The following CNTNAP2 variants were observed in gnomAD, a reference collection of about 807,000 sequenced individuals.
CNTNAP2 encodes the protein contactin associated protein 2, also known as contactin-associated protein-like 2.
CNTNAP2 carries 98 observed loss-of-function variants against 155.2 expected under a neutral mutation model. The ratio of observed to expected loss-of-function variants is 0.63; its 90% CI spans 0.54 to 0.75. CNTNAP2 has a LOEUF of 0.75. Among genes scored for constraint, CNTNAP2 ranks in the 30% least tolerant of loss-of-function variants. The pLI is 0.00. For missense variants in CNTNAP2, 1,727 were observed against 1,688.1 expected, an observed-to-expected ratio of 1.02 and a Z score of -0.40; for synonymous variants, 651 against 631.2, an observed-to-expected ratio of 1.03 and a Z score of -0.47.
intron 3 of CNTNAP2, among the ~76,000 whole-genome samples, chr7:146,988,062 T>C (rs1798145188): frequency 6.6e-6 from 1 of 152,164 alleles, no homozygotes; most frequent in Non-Finnish European, 1.5e-5. Flanking sequence ...TTCTATGATT[T>C]AGTTTTTAGT....
chr7:146,864,099 T>C (rs1795156441), intron 3 of CNTNAP2, among the ~76,000 whole-genome samples: 1 of 152,076 alleles, frequency 6.6e-6, no homozygotes, highest in African/African-American at 2.4e-5. Flanking sequence ...TCATTCAGTG[T>C]TTTATTCTTC....
At chr7:146,202,084 C>G (rs547513440) in intron 1 of CNTNAP2, among the ~76,000 whole-genome samples, 1 of 152,228 alleles carries the variant, frequency 6.6e-6, no homozygotes, top group African/African-American at 2.4e-5. Context: ...TTCATTTATA[C>G]TGCATCCTTA....
At chr7:147,219,920 CA>C (rs2116591068) in intron 8 of CNTNAP2, among the ~76,000 whole-genome samples, 1 of 151,128 alleles carries the variant, frequency 6.6e-6, no homozygotes, top group East Asian at 2.0e-4. Context: ...GGACTACAGG[CA>C]CCCACCACCA....
chr7:147,788,878 G>A (rs1375462425), intron 13 of CNTNAP2, among the ~76,000 whole-genome samples: 1 of 148,102 alleles, frequency 6.8e-6, no homozygotes, highest in African/African-American at 2.5e-5. Flanking sequence ...CATCCAGTAG[G>A]ATATACTTTT....
chr7:146,808,038 G>A (rs1802998580), intron 2 of CNTNAP2, among the ~76,000 whole-genome samples: 1 of 152,124 alleles, frequency 6.6e-6, no homozygotes, highest in Non-Finnish European at 1.5e-5. Context: ...CAAAATTATT[G>A]ATAGGATGTT....
chr7:147,176,575 TAAAC>T (rs1355266384), intron 8 of CNTNAP2, among the ~76,000 whole-genome samples: 1 of 147,840 alleles, frequency 6.8e-6, no homozygotes, highest in African/African-American at 2.5e-5. Context: ...TTTTGTGAAA[TAAAC>T]AAGATAGATT....
At chr7:146,329,621 G>C (rs758738142) in intron 1 of CNTNAP2, among the ~76,000 whole-genome samples, 3 of 152,144 alleles carry the variant, frequency 2.0e-5, no homozygotes, top group Non-Finnish European at 4.4e-5. Flanking sequence ...GAAAACCTCA[G>C]CTTCGATTTT....
chr7:148,353,876 A>G (rs1242733971), intron 21 of CNTNAP2, among the ~76,000 whole-genome samples: 2 of 152,238 alleles, frequency 1.3e-5, no homozygotes, highest in African/African-American at 4.8e-5. Flanking sequence ...AAAAATTCCA[A>G]TTTTATATTC....
At chr7:146,145,754 A>G (rs1430397723) in intron 1 of CNTNAP2, among the ~76,000 whole-genome samples, 1 of 152,144 alleles carries the variant, frequency 6.6e-6, no homozygotes, top group East Asian at 1.9e-4. Flanking sequence ...CTAAAATTCA[A>G]TGTATTTGTA....
chr7:148,218,581 T>TG (rs1402863630), intron 19 of CNTNAP2, among the ~76,000 whole-genome samples: 1 of 151,972 alleles, frequency 6.6e-6, no homozygotes, highest in Non-Finnish European at 1.5e-5. Context: ...TTTGTAGAGT[T>TG]GGGGGTCTCA....
chr7:147,267,772 T>G (rs903057629), intron 8 of CNTNAP2, among the ~76,000 whole-genome samples: 4 of 152,204 alleles, frequency 2.6e-5, no homozygotes, highest in African/African-American at 9.7e-5. Context: ...AAAACTGATA[T>G]GTGTTGAGTG....
chr7:146,302,477 A>G (rs1429227038), intron 1 of CNTNAP2, among the ~76,000 whole-genome samples: 1 of 152,210 alleles, frequency 6.6e-6, no homozygotes, highest in African/African-American at 2.4e-5. Flanking sequence ...TTTCAGAGAT[A>G]GTATTAAATG....
chr7:147,601,644 A>AAAAAAAAT (rs1299075338), intron 12 of CNTNAP2, among the ~76,000 whole-genome samples: 3 of 87,460 alleles, frequency 3.4e-5, no homozygotes, highest in African/African-American at 1.3e-4. Context: ...CTTAAAAAAA[A>AAAAAAAAT]ATATATATAT....
intron 5 of CNTNAP2, among the ~76,000 whole-genome samples, chr7:147,110,543 CAG>C (rs1047679285): frequency 7.2e-5 from 11 of 152,092 alleles, no homozygotes; most frequent in Admixed American, 7.2e-4. Flanking sequence ...AAACCTCCGA[CAG>C]ACCCCATGTG....
At chr7:147,019,109 C>T (rs745997042) in intron 3 of CNTNAP2, among the ~76,000 whole-genome samples, 2 of 152,030 alleles carry the variant, frequency 1.3e-5, no homozygotes, top group Non-Finnish European at 2.9e-5. Context: ...GTAATCCCTA[C>T]ATTTTCTAAG....
intron 14 of CNTNAP2, among the ~76,000 whole-genome samples, chr7:147,961,519 C>T (rs1563149899): frequency 6.6e-6 from 1 of 152,124 alleles, no homozygotes; most frequent in Non-Finnish European, 1.5e-5. Flanking sequence ...TTCACCTTCT[C>T]AAAAGGGCAT....
intron 11 of CNTNAP2, among the ~76,000 whole-genome samples, chr7:147,556,903 A>G (rs191254688): frequency 1.5e-4 from 23 of 152,332 alleles, no homozygotes; most frequent in Admixed American, 2.6e-4. Context: ...ATCATTTTCC[A>G]TGATAGGTAA....
chr7:147,847,706 T>C (rs1798835371), intron 13 of CNTNAP2, among the ~76,000 whole-genome samples: 1 of 37,774 alleles, frequency 2.6e-5, no homozygotes, highest in African/African-American at 1.2e-4. Flanking sequence ...TTCTGTTCTG[T>C]TTTTTCCCCA....
chr7:147,167,791 T>G (rs1802144368), intron 8 of CNTNAP2, among the ~76,000 whole-genome samples: 1 of 152,158 alleles, frequency 6.6e-6, no homozygotes, highest in Non-Finnish European at 1.5e-5. Flanking sequence ...TTGAGCTGTT[T>G]TGGAATGCAG....
Sources: gnomAD v4.1 joint callset for allele counts (sites outside exome capture counted in the v4.1 genomes callset) on GRCh38, gnomAD v4.1.1 for gene constraint, MANE v1.5 for transcripts, NCBI Gene and HGNC (gene_info 2026-07-23, HGNC 2026-07-21) for gene names.